SCN8A: variants seen among roughly 807,000 people sequenced by gnomAD.
SCN8A encodes sodium voltage-gated channel alpha subunit 8, also known as sodium channel protein type 8 subunit alpha.
A neutral mutation model predicts 184.1 loss-of-function variants in SCN8A; 30 were observed. That is an observed-to-expected ratio of 0.16 (90% CI 0.12 to 0.22). The LOEUF (loss-of-function observed/expected upper bound fraction) is 0.22. SCN8A is among the 10% of genes least tolerant of loss of function. The pLI, the probability that SCN8A is intolerant of heterozygous loss-of-function variation, is 1.00. For missense variants in SCN8A, 1,057 were observed against 2,498.9 expected, an observed-to-expected ratio of 0.42 and a Z score of 12.30; for synonymous variants, 852 against 907.0, an observed-to-expected ratio of 0.94 and a Z score of 1.09.
chr12:51,690,838 T>C (rs1176456034), intron 6 of SCN8A, among the ~76,000 whole-genome samples: 2 of 152,164 alleles, frequency 1.3e-5, no homozygotes, highest in Non-Finnish European at 2.9e-5. Context: ...AGTAAATCAG[T>C]GCCCTACCAA....
At chr12:51,654,023 C>T (rs1285832256) in intron 1 of SCN8A, among the ~76,000 whole-genome samples, 1 of 152,072 alleles carries the variant, frequency 6.6e-6, no homozygotes, top group African/African-American at 2.4e-5. Flanking sequence ...CTATTCAAGT[C>T]TTTTGTCTAT....
At chr12:51,598,624 T>C (rs1939397814) in intron 1 of SCN8A, among the ~76,000 whole-genome samples, 1 of 152,210 alleles carries the variant, frequency 6.6e-6, no homozygotes, top group Non-Finnish European at 1.5e-5. Flanking sequence ...CTTGAAATGT[T>C]TGTTTGAATA....
At chr12:51,770,414 GTCC>G in intron 18 of SCN8A, 112 bp from the exon 19 acceptor site, 3 of 1,163,300 alleles carry the variant, frequency 2.6e-6, no homozygotes, top group South Asian at 1.6e-5. Flanking sequence ...TTCAGCCACT[GTCC>G]TCCTGGCTGT....
chr12:51,713,358 A>G (rs776289717), intron 11 of SCN8A: 57 of 1,038,626 alleles, frequency 5.5e-5, no homozygotes, highest in Non-Finnish European at 7.8e-5. Flanking sequence ...CAACACAAGA[A>G]TAAGTCACAA....
At chr12:51,650,416 C>T (rs922375467) in intron 1 of SCN8A, among the ~76,000 whole-genome samples, 1 of 152,054 alleles carries the variant, frequency 6.6e-6, no homozygotes, top group Non-Finnish European at 1.5e-5. Context: ...AAGACATACC[C>T]AAGACTGGGA....
chr12:51,747,324 C>T (rs1261570293), intron 13 of SCN8A, among the ~76,000 whole-genome samples: 2 of 152,124 alleles, frequency 1.3e-5, no homozygotes, highest in Non-Finnish European at 2.9e-5. Flanking sequence ...TAATTACCAT[C>T]GGGGTTATTG....
rs113176099 is a variant in SCN8A at position 51,776,955 on chromosome 12, T to C, written c.3819+2593T>C. 6.8e-4 allele frequency among the ~76,000 whole-genome samples: 104 copies of C among 152,334 alleles called. 1 individual carries two copies. Among genetic ancestry groups the C allele is most frequent in the Non-Finnish European group, 8.1e-4 (55 of 68,036 alleles). On this transcript the variant is annotated intron_variant, in intron 20 of 26. Coordinates refer to ENST00000627620, the MANE Select transcript of SCN8A (RefSeq NM_001330260.2). ...GTTAATTCCTTTTATTTATAATCCA[T>C]ATGAGTTCCCAAACAAGGAAAACAT...
At chr12:51,640,227 T>G (rs1399803013) in intron 1 of SCN8A, among the ~76,000 whole-genome samples, 2 of 117,704 alleles carry the variant, frequency 1.7e-5, no homozygotes, top group East Asian at 4.8e-4. Flanking sequence ...TTTTTTTTTT[T>G]TTTTTTTTTT....
At chr12:51,636,401 C>T (rs1439565082) in intron 1 of SCN8A, among the ~76,000 whole-genome samples, 1 of 152,134 alleles carries the variant, frequency 6.6e-6, no homozygotes, top group Admixed American at 6.6e-5. Flanking sequence ...CCATCTTCCA[C>T]CTAGTAATCT....
At chr12:51,673,420 A>T (rs1941167099) in intron 2 of SCN8A, among the ~76,000 whole-genome samples, 1 of 152,174 alleles carries the variant, frequency 6.6e-6, no homozygotes, top group Non-Finnish European at 1.5e-5. Context: ...TGTTGTGTTT[A>T]GTTCATTTGT....
chr12:51,703,765 G>A (rs552930340), intron 9 of SCN8A, among the ~76,000 whole-genome samples: 26 of 152,150 alleles, frequency 1.7e-4, no homozygotes, highest in Non-Finnish European at 2.2e-4. Flanking sequence ...TGAAAAACAC[G>A]TCCCCTCAGG....
rs554018016 is a variant in SCN8A at position 51,744,284 on chromosome 12, C to T, written c.1999-1619C>T. On this transcript the variant is annotated intron_variant, in intron 12 of 26. Coordinates refer to ENST00000627620, the MANE Select transcript of SCN8A (RefSeq NM_001330260.2). ...TGCCACTGCATTCCAGCCCGAGCGACAGAGCAGACTCTCAAAAAGCAAAAA... is the reference window on the plus strand; with the variant it reads ...TGCCACTGCATTCCAGCCCGAGCGATAGAGCAGACTCTCAAAAAGCAAAAA... Among the ~76,000 whole-genome samples the T allele has an allele frequency of 1.2e-4, 18 of 152,340 alleles. No individual in the cohort carries two copies. In the South Asian group the frequency reaches 3.7e-3, roughly 32 times the overall value.
rs533725421 is a variant in SCN8A, at chr12:51,806,520, C to T, written c.5034C>T (p.His1678=). The T allele has an allele frequency of 8.7e-6, 14 of 1,614,164 alleles. No homozygotes were observed. The highest frequency in any genetic ancestry group is 2.7e-5 in the African/African-American group (2 of 75,030). The change falls in exon 27 of 27, where the codon CAC becomes CAT. Residue 1678 remains histidine (H), a synonymous_variant. Coordinates refer to ENST00000627620, the MANE Select transcript of SCN8A (RefSeq NM_001330260.2). This position sits in a 1 kb window ranked among gnomAD's most constrained non-coding sequence, Gnocchi z 8.7. ...TGTCCAATTTTGCATATGTGAAGCA[C>T]GAGGCTGGTATCGATGACATGTTCA... ...FGMSNFAYVK[H]EAGIDDMFNF...
intron 26 of SCN8A, among the ~76,000 whole-genome samples, chr12:51,799,692 C>T (rs2138929078): frequency 6.6e-6 from 1 of 152,332 alleles, no homozygotes; most frequent in South Asian, 2.1e-4. Flanking sequence ...TCAAAACTGG[C>T]AGCCTTTCAG....
intron 12 of SCN8A, among the ~76,000 whole-genome samples, chr12:51,727,456 G>A (rs973927932): frequency 4.0e-5 from 6 of 151,858 alleles, no homozygotes; most frequent in African/African-American, 1.5e-4. Context: ...GGAGGGAAAG[G>A]GTATGTGATC....
At chr12:51,644,906 G>T (rs1940535204) in intron 1 of SCN8A, among the ~76,000 whole-genome samples, 1 of 151,718 alleles carries the variant, frequency 6.6e-6, no homozygotes, top group South Asian at 2.1e-4. Flanking sequence ...TGAGAAGTGA[G>T]GAGACCCTCC....
chr12:51,656,871 A>G (rs879502443), intron 1 of SCN8A, among the ~76,000 whole-genome samples: 1 of 152,172 alleles, frequency 6.6e-6, no homozygotes, highest in African/African-American at 2.4e-5. Flanking sequence ...TGGCAAGGAT[A>G]TGGAGAAATT....
chr12:51,645,583 G>A (rs1221081040), intron 1 of SCN8A, among the ~76,000 whole-genome samples: 1 of 152,040 alleles, frequency 6.6e-6, no homozygotes, highest in Non-Finnish European at 1.5e-5. Flanking sequence ...AGGTAGACAT[G>A]GGAGACTTTT....
At chr12:51,691,655 G>T (rs188961183) in intron 6 of SCN8A, among the ~76,000 whole-genome samples, 142 of 152,252 alleles carry the variant, frequency 9.3e-4, no homozygotes, top group African/African-American at 3.4e-3. Flanking sequence ...AGCTGGCTTT[G>T]GGAGGCTAAC....
Sources: allele counts gnomAD v4.1 joint callset (sites outside exome capture counted in the v4.1 genomes callset), GRCh38; gene constraint gnomAD v4.1.1; non-coding constraint Gnocchi (gnomAD v3.1); transcripts MANE v1.5; gene names NCBI Gene and HGNC (gene_info 2026-07-23, HGNC 2026-07-21).